The following ITPKA variants were observed in gnomAD, a reference collection of about 807,000 sequenced individuals.
The protein encoded by ITPKA is IP3 3-kinase A.
In ITPKA, 16 loss-of-function variants were observed where a neutral mutation model predicts 40.7. That is an observed-to-expected ratio of 0.39 (90% CI 0.27 to 0.60). ITPKA has a LOEUF of 0.60. Among genes scored for constraint, ITPKA ranks in the 20% least tolerant of loss-of-function variants. The probability of loss-of-function intolerance (pLI) is 0.50; values close to 1 mark genes in which losing one functional copy is unlikely to be tolerated. For synonymous variants in ITPKA, 313 were observed against 289.9 expected (o/e 1.08, Z -0.81); for missense variants, 540 against 649.3 (o/e 0.83, Z 1.83).
chr15:41,502,927 G>A, intron 6 of ITPKA, 36 bp from the exon 7 acceptor site: 3 of 1,599,228 alleles, frequency 1.9e-6, no homozygotes, highest in Middle Eastern at 1.7e-4. Context: ...GGGCGTCTCT[G>A]GGCAGGGCCG....
At chr15:41,501,071 G>GTA in intron 1 of ITPKA, among the ~76,000 whole-genome samples, 1 of 150,476 alleles carries the variant, frequency 6.6e-6, no homozygotes, top group South Asian at 2.1e-4. Context: ...CATCCCTGCG[G>GTA]TAGGCCTGAT....
At position 41,503,442 on chromosome 15, in the gene ITPKA, C is replaced by T; in HGVS notation, c.*276C>T. The T allele has an allele frequency of 1.6e-6, 1 of 618,546 alleles. No individual in the cohort carries two copies. The highest frequency in any genetic ancestry group is 3.0e-6 in the Non-Finnish European group (1 of 333,740). The allele number at this position is 618,546 out of a possible 1,614,324, so 38.3% of individuals were successfully genotyped here. A position where few individuals can be genotyped will look rare whatever the true frequency, so the allele number is the denominator to read the frequency against. ...GGCCAGCTCTTCTGAGGAGGCTCTG[C>T]CCTCTCCAGAGGTGCCAGACCGCGG... On this transcript the variant is annotated 3_prime_UTR_variant, in exon 7 of 7. Coordinates refer to ENST00000260386, the MANE Select transcript of ITPKA (RefSeq NM_002220.3).
In ITPKA at chr15:41,501,660, C is replaced by T; in HGVS notation, c.612C>T (p.Ser204=). ...HTGSFKAAGT[S]GLILKRCSEP... is the part of the protein sequence containing the mutation. ...GGAGTTTTAAGGCGGCGGGCACCAGCGGGCTGATCCTGAAGCGCTGCTCGG... is the reference window on the plus strand; with the variant it reads ...GGAGTTTTAAGGCGGCGGGCACCAGTGGGCTGATCCTGAAGCGCTGCTCGG... Residue 204 remains serine (S), a synonymous_variant, in exon 3 of 7, where the codon AGC becomes AGT. Transcript: ENST00000260386. 1 of 1,608,504 alleles carries T rather than the reference C, an allele frequency of 6.2e-7. No individual in the cohort carries two copies. Among genetic ancestry groups the T allele is most frequent in the Non-Finnish European group, 8.5e-7 (1 of 1,178,052 alleles).
In ITPKA at chr15:41,502,792, G is replaced by T. The variant is rs755436645; in HGVS notation, c.1115G>T (p.Arg372Leu). 5 of 1,608,438 alleles carry T rather than the reference G, an allele frequency of 3.1e-6. No homozygotes were observed. The highest frequency in any genetic ancestry group is 4.2e-6 in the Non-Finnish European group (5 of 1,176,902). Reference protein sequence around the residue: ...FVQGDEEVLRRYLNRLQQIRD... With the variant: ...FVQGDEEVLRLYLNRLQQIRD... Reference sequence around the variant, plus strand: ...CTCCCACCCCACCCTCTGCAGAGGCGGTATCTGAACCGCCTGCAGCAGATC... The same window carrying T: ...CTCCCACCCCACCCTCTGCAGAGGCTGTATCTGAACCGCCTGCAGCAGATC... The change falls in exon 6 of 7, where the codon CGG (arginine) becomes CTG (leucine). Residue 372 changes from arginine to leucine, a missense_variant. Arg to Leu is a moderately radical substitution (Grantham distance 102, BLOSUM62 -2). Coordinates refer to ENST00000260386, the MANE Select transcript of ITPKA (RefSeq NM_002220.3).
In ITPKA at chr15:41,494,819, C is replaced by T. The variant is rs1005579251; in HGVS notation, c.489+403C>T. On this transcript the variant is annotated intron_variant, in intron 1 of 6. Transcript: ENST00000260386. This position sits in a 1 kb window ranked among gnomAD's most constrained non-coding sequence, Gnocchi z 7.8. ...TTTCCCTTACCCCCCGCCCCCTCTC[C>T]GGTGCCGCGGCCGCACCCCCGCCGT... Among the ~76,000 whole-genome samples the T allele has an allele frequency of 4.6e-5, 7 of 152,178 alleles. No individual in the cohort carries two copies. The highest frequency in any genetic ancestry group is 9.7e-5 in the African/African-American group (4 of 41,442).
At chr15:41,499,327 A>G (rs1203931458) in intron 1 of ITPKA, among the ~76,000 whole-genome samples, 2 of 152,206 alleles carry the variant, frequency 1.3e-5, no homozygotes. Context: ...TAAGGGCTTC[A>G]GTAGGAAAGT....
chr15:41,494,308 C>A lies in ITPKA; in HGVS notation c.381C>A (p.Ser127=). 6.5e-7 allele frequency: 1 copy of A among 1,541,698 alleles called. No individual in the cohort carries two copies. The highest frequency in any genetic ancestry group is 8.7e-7 in the Non-Finnish European group (1 of 1,151,336). The change falls in exon 1 of 7, where the codon TCC becomes TCA. Residue 127 remains serine, a synonymous_variant. Transcript: ENST00000260386. The surrounding 1 kb of genome is among the most constrained non-coding windows in gnomAD (Gnocchi z 7.8). ...PRRLSTSSVS[S]TGSSSLLEDS... ...GCCTTTCCACCTCGTCGGTCTCCTC[C>A]ACTGGCTCCTCGTCGCTGCTCGAGG...
Position 41,502,036 on chromosome 15 carries a change from G to A in ITPKA, c.843G>A (p.Arg281=). 6.2e-7 allele frequency: 1 copy of A among 1,613,304 alleles called. No homozygotes were observed. The highest frequency in any genetic ancestry group is 1.3e-5 in the African/African-American group (1 of 75,050). Residue 281 remains arginine, a synonymous_variant, in exon 4 of 7, where the codon CGG becomes CGA. Transcript: ENST00000260386. The stretch of plus-strand genomic sequence containing the variant: ...AGGAGCTGACCAAGGCCCGTGAGCG[G>A]CCCAAGCTGCGGAAGGACATGTACA... ...LEEELTKARE[R]PKLRKDMYKK...
intron 1 of ITPKA, among the ~76,000 whole-genome samples, chr15:41,498,016 G>T (rs963919447): frequency 2.0e-5 from 3 of 152,100 alleles, no homozygotes; most frequent in Non-Finnish European, 2.9e-5. Context: ...GCCAGGCGTT[G>T]GTGGTGCACG....
At chr15:41,495,254 C>T (rs909104360) in intron 1 of ITPKA, among the ~76,000 whole-genome samples, 3 of 152,228 alleles carry the variant, frequency 2.0e-5, no homozygotes, top group Admixed American at 6.5e-5. Context: ...TTAACCAAGG[C>T]CAAATACCTT....
Position 41,494,690 on chromosome 15 carries a change from G to A in ITPKA, c.489+274G>A, listed in dbSNP as rs1309942157. On this transcript the variant is annotated intron_variant, in intron 1 of 6. Transcript: ENST00000260386. This position sits in a 1 kb window ranked among gnomAD's most constrained non-coding sequence, Gnocchi z 7.8. ...AGGCGACCCGCCGCGGGGACTGGGC[G>A]AAGCGGGGGTAGCGGACCTTGTTGG... Among the ~76,000 whole-genome samples, 4 of 152,264 alleles carry A rather than the reference G, an allele frequency of 2.6e-5. No homozygotes were observed. The highest frequency in any genetic ancestry group is 6.5e-5 in the Admixed American group (1 of 15,294).
chr15:41,496,730 A>G lies in ITPKA; in HGVS notation c.489+2314A>G, dbSNP rs981787100. ...TCCCACACATCGCTTTCCACTAATT[A>G]TAGAGCAGAATTTAGGTTAACAGAC... On this transcript the variant is annotated intron_variant, in intron 1 of 6. Coordinates refer to ENST00000260386, the MANE Select transcript of ITPKA (RefSeq NM_002220.3). Among the ~76,000 whole-genome samples, 14 of 152,202 alleles carry G rather than the reference A, an allele frequency of 9.2e-5. 1 individual carries two copies. The highest frequency in any genetic ancestry group is 8.5e-4 in the Admixed American group (13 of 15,284).
rs996002371 is a variant in ITPKA, at chr15:41,503,422, GC to G, written c.*257del. 10 of 594,678 alleles carry G rather than the reference GC, an allele frequency of 1.7e-5. No homozygotes were observed. The African/African-American group carries it at 1.8e-4, about 11-fold the overall frequency. 36.8% of individuals were successfully genotyped at this position (594,678 alleles called of 1,614,324 possible). ...GGCAAAGGGCTTCTTCCTCAGGCCAGCTCTTCTGAGGAGGCTCTGCCCTCTC... is the reference window on the plus strand; with the variant it reads ...GGCAAAGGGCTTCTTCCTCAGGCCAGTCTTCTGAGGAGGCTCTGCCCTCTC... On this transcript the variant is annotated 3_prime_UTR_variant, in exon 7 of 7. Transcript: ENST00000260386.
intron 1 of ITPKA, among the ~76,000 whole-genome samples, chr15:41,496,336 AGGCCG>A (rs2051071200): frequency 2.0e-5 from 3 of 152,212 alleles, no homozygotes; most frequent in African/African-American, 7.2e-5. Flanking sequence ...CGGCCCAGGC[AGGCCG>A]GAGCCCAGGA....
rs750516115 is a variant in ITPKA at position 41,501,684 on chromosome 15, G to C, written c.636G>C (p.Ser212=). 9 of 1,609,758 alleles carry C rather than the reference G, an allele frequency of 5.6e-6. No individual in the cohort carries two copies. The highest frequency in any genetic ancestry group is 4.4e-5 in the South Asian group (4 of 90,722). The change falls in exon 3 of 7, where the codon TCG becomes TCC. Residue 212 remains serine, a synonymous_variant. Coordinates refer to ENST00000260386, the MANE Select transcript of ITPKA (RefSeq NM_002220.3). ...GCGGGCTGATCCTGAAGCGCTGCTC[G>C]GAGCCGGAGCGCTACTGCCTGGCGC... is the stretch of plus-strand genomic sequence containing the variant. The part of the protein sequence containing the change: ...GTSGLILKRC[S]EPERYCLARL...
In ITPKA at chr15:41,501,725, C is replaced by T; in HGVS notation, c.677C>T (p.Ala226Val). Residue 226 changes from alanine (A) to valine (V), a missense_variant, in exon 3 of 7, where the codon GCG becomes GTG. Transcript: ENST00000260386. Reference sequence around the variant, plus strand: ...TGCCTGGCGCGGCTGATGGCTGACGCGCTGCGCGGCTGCGTGCCTGCCTTC... The same window carrying T: ...TGCCTGGCGCGGCTGATGGCTGACGTGCTGCGCGGCTGCGTGCCTGCCTTC... ...RYCLARLMAD[A>V]LRGCVPAFHG... The T allele has an allele frequency of 1.2e-6, 2 of 1,611,464 alleles. No homozygotes were observed. Among genetic ancestry groups the T allele is most frequent in the South Asian group, 1.1e-5 (1 of 90,908 alleles).
chr15:41,494,560 A>G lies in ITPKA; in HGVS notation c.489+144A>G, dbSNP rs953826558. The G allele has an allele frequency of 1.8e-6, 1 of 552,764 alleles. No individual in the cohort carries two copies. Among genetic ancestry groups the G allele is most frequent in the African/African-American group, 2.0e-5 (1 of 50,666 alleles). 34.2% of individuals were successfully genotyped at this position (552,764 alleles called of 1,614,324 possible). A position where few individuals can be genotyped will look rare whatever the true frequency, so the allele number is the denominator to read the frequency against. On this transcript the variant is annotated intron_variant, in intron 1 of 6. Transcript: ENST00000260386. The surrounding 1 kb of genome is among the most constrained non-coding windows in gnomAD (Gnocchi z 7.8). ...GCGGTTTAGGAGGAATCTGGGGGTCAGAGGGAGGCGCCTGGCCGACCTCTC... is the reference window on the plus strand; with the variant it reads ...GCGGTTTAGGAGGAATCTGGGGGTCGGAGGGAGGCGCCTGGCCGACCTCTC...
In ITPKA at chr15:41,502,077, T is replaced by C; in HGVS notation, c.884T>C (p.Val295Ala). 6.2e-7 allele frequency: 1 copy of C among 1,613,122 alleles called. No homozygotes were observed. The highest frequency in any genetic ancestry group is 1.7e-5 in the Admixed American group (1 of 59,996). Reference protein sequence around the residue: ...RKDMYKKMLAVDPEAPTEEEH... With the variant: ...RKDMYKKMLAADPEAPTEEEH... ...GACATGTACAAGAAAATGCTGGCGG[T>C]GGATCCTGAAGCTCCCACGGAGGAG... The change falls in exon 4 of 7, where the codon GTG (valine) becomes GCG (alanine). Residue 295 changes from valine (V) to alanine (A), a missense_variant. Val to Ala is a moderately conservative substitution (Grantham distance 64, BLOSUM62 0). Coordinates refer to ENST00000260386, the MANE Select transcript of ITPKA (RefSeq NM_002220.3).
chr15:41,501,805 G>T lies in ITPKA; in HGVS notation c.757G>T (p.Asp253Tyr). 6.2e-7 allele frequency: 1 copy of T among 1,613,462 alleles called. No homozygotes were observed. The highest frequency in any genetic ancestry group is 1.1e-5 in the South Asian group (1 of 91,078). The change falls in exon 3 of 7, where the codon GAT becomes TAT. Residue 253 changes from aspartate (D) to tyrosine (Y), a missense_variant. Asp to Tyr is a radical substitution (Grantham distance 160, BLOSUM62 -3). Transcript: ENST00000260386. Reference protein sequence around the residue: ...ESYLQLQDLLDGFDGPCVLDC... With the variant: ...ESYLQLQDLLYGFDGPCVLDC... ...CTACCTGCAGCTGCAGGACCTGCTC[G>T]ATGGCTTCGACGGACCTTGTGTGCT...
Sources: allele counts gnomAD v4.1 joint callset (sites outside exome capture counted in the v4.1 genomes callset), GRCh38; gene constraint gnomAD v4.1.1; non-coding constraint Gnocchi (gnomAD v3.1); transcripts MANE v1.5; gene names NCBI Gene and HGNC (gene_info 2026-07-23, HGNC 2026-07-21).